MAGI1: variants seen among roughly 807,000 people sequenced by gnomAD.
The protein encoded by MAGI1 is membrane associated guanylate kinase, WW and PDZ domain containing 1, also known as membrane-associated guanylate kinase, WW and PDZ domain-containing protein 1.
Under a neutral mutation model 139.9 loss-of-function variants are expected in MAGI1, and 58 were observed. The ratio of observed to expected loss-of-function variants is 0.41; its 90% confidence interval spans 0.34 to 0.52. The LOEUF (loss-of-function observed/expected upper bound fraction) is 0.52, where lower values mean the gene tolerates loss of function less well. MAGI1 is among the 20% of genes least tolerant of loss of function. MAGI1 has a pLI of 0.12. For synonymous variants in MAGI1, 812 were observed against 737.9 expected (o/e 1.10, Z -1.63); for missense variants, 1,874 against 1,901.6 (o/e 0.99, Z 0.27).
intron 2 of MAGI1, chr3:65,619,874 A>G (rs2083574890): frequency 1.0e-6 from 1 of 985,100 alleles, no homozygotes; most frequent in South Asian, 4.7e-5. Context: ...TAGTAGGAAC[A>G]CCATTTCTGC....
intron 16 of MAGI1, 78 bp downstream of exon 16, chr3:65,381,799 G>A: frequency 7.6e-7 from 1 of 1,310,262 alleles, no homozygotes; most frequent in Non-Finnish European, 1.0e-6. Flanking sequence ...GACGCTCAAG[G>A]AGGCAGACAC....
At position 65,626,286 on chromosome 3, in the gene MAGI1, T is replaced by A. The variant is rs944352473; in HGVS notation, c.314-4198A>T. On this transcript the variant is annotated intron_variant, in intron 1 of 22. Transcript: ENST00000402939. Reference sequence around the variant, plus strand: ...CCTTATGGATCATATGTGGTAACTATCAAGATAAACCAGGGACATATAGAT... The same window carrying A: ...CCTTATGGATCATATGTGGTAACTAACAAGATAAACCAGGGACATATAGAT... Among the ~76,000 whole-genome samples, 5 of 152,192 alleles carry A rather than the reference T, an allele frequency of 3.3e-5. No homozygotes were observed. The East Asian group carries it at 9.6e-4, about 29-fold the overall frequency.
intron 1 of MAGI1, among the ~76,000 whole-genome samples, chr3:65,670,280 C>T (rs746440519): frequency 6.6e-5 from 10 of 151,876 alleles, no homozygotes; most frequent in South Asian, 2.1e-4. Flanking sequence ...TTTTTGAAGA[C>T]TCCTCATATA....
At chr3:65,532,471 G>A (rs1328619947) in intron 2 of MAGI1, among the ~76,000 whole-genome samples, 1 of 152,210 alleles carries the variant, frequency 6.6e-6, no homozygotes, top group Non-Finnish European at 1.5e-5. Flanking sequence ...CCGGCAGCTA[G>A]ACATAACCAA....
chr3:65,964,190 G>T (rs979274183), intron 1 of MAGI1, among the ~76,000 whole-genome samples: 1 of 152,130 alleles, frequency 6.6e-6, no homozygotes. Flanking sequence ...CATTCACAGT[G>T]TACCTCTGCC....
At chr3:65,789,094 T>C (rs2039583706) in intron 1 of MAGI1, among the ~76,000 whole-genome samples, 2 of 152,100 alleles carry the variant, frequency 1.3e-5, no homozygotes, top group South Asian at 4.1e-4. Flanking sequence ...GGCGGGAGGA[T>C]TGCTGGGGCC....
At chr3:65,557,236 G>C (rs1252817012) in intron 2 of MAGI1, among the ~76,000 whole-genome samples, 1 of 152,210 alleles carries the variant, frequency 6.6e-6, no homozygotes, top group Non-Finnish European at 1.5e-5. Flanking sequence ...ATAAGACACT[G>C]TCCCTTCCAC....
intron 1 of MAGI1, among the ~76,000 whole-genome samples, chr3:65,630,011 A>G (rs1381200539): frequency 6.6e-6 from 1 of 152,220 alleles, no homozygotes; most frequent in East Asian, 1.9e-4. Flanking sequence ...ACAAACGTAC[A>G]ACAAACAAAG....
chr3:65,570,065 TTTATTATCATTATTA>T (rs1231407991), intron 2 of MAGI1, among the ~76,000 whole-genome samples: 4 of 129,150 alleles, frequency 3.1e-5, no homozygotes, highest in African/African-American at 1.1e-4. Flanking sequence ...TCTTTCTTTC[TTTATTATCATTATTA>T]TTATTATTAT....
At chr3:65,719,280 C>CAT (rs1043155571) in intron 1 of MAGI1, among the ~76,000 whole-genome samples, 7 of 150,558 alleles carry the variant, frequency 4.6e-5, no homozygotes, top group Non-Finnish European at 1.0e-4. Context: ...TATATATACA[C>CAT]ATATATGTGT....
intron 1 of MAGI1, among the ~76,000 whole-genome samples, chr3:65,927,703 T>C (rs888342175): frequency 6.6e-6 from 1 of 152,162 alleles, no homozygotes; most frequent in Non-Finnish European, 1.5e-5. Flanking sequence ...TGGCAGTTCC[T>C]GTGGAAAGGG....
intron 1 of MAGI1, among the ~76,000 whole-genome samples, chr3:65,626,583 CA>C (rs2083983722): frequency 6.6e-6 from 1 of 152,166 alleles, no homozygotes; most frequent in African/African-American, 2.4e-5. Context: ...CTCAGCCTAC[CA>C]AAGTGCTGGG....
chr3:65,549,531 G>T, intron 2 of MAGI1: 1 of 963,960 alleles, frequency 1.0e-6, no homozygotes, highest in Non-Finnish European at 1.2e-6. Context: ...CTCCTTTTAT[G>T]GGGCTCGCAG....
At chr3:65,868,634 G>A (rs772121577) in intron 1 of MAGI1, among the ~76,000 whole-genome samples, 23 of 152,090 alleles carry the variant, frequency 1.5e-4, no homozygotes, top group Non-Finnish European at 2.5e-4. Flanking sequence ...GAAATCTGTC[G>A]GCATTATTCC....
At chr3:65,716,975 C>T (rs977801270) in intron 1 of MAGI1, among the ~76,000 whole-genome samples, 14 of 152,150 alleles carry the variant, frequency 9.2e-5, no homozygotes, top group Non-Finnish European at 1.9e-4. Context: ...CCTCATCCTG[C>T]TCTGCAGGAT....
chr3:65,944,533 A>G (rs1198115790), intron 1 of MAGI1, among the ~76,000 whole-genome samples: 2 of 152,148 alleles, frequency 1.3e-5, no homozygotes, highest in Non-Finnish European at 2.9e-5. Flanking sequence ...AAAAAAAAAT[A>G]AAGTGCTATT....
At chr3:65,637,946 T>C (rs1208554206) in intron 1 of MAGI1, among the ~76,000 whole-genome samples, 1 of 152,210 alleles carries the variant, frequency 6.6e-6, no homozygotes, top group Non-Finnish European at 1.5e-5. Context: ...GAGATCCTCT[T>C]AGCCTAGAAT....
At chr3:65,979,837 A>C (rs139156046) in intron 1 of MAGI1, among the ~76,000 whole-genome samples, 1 of 152,194 alleles carries the variant, frequency 6.6e-6, no homozygotes. Flanking sequence ...AAAAATTCAG[A>C]ATCAGTCTTC....
chr3:65,932,693 G>A (rs755380731), intron 1 of MAGI1, among the ~76,000 whole-genome samples: 5 of 152,182 alleles, frequency 3.3e-5, no homozygotes, highest in East Asian at 1.9e-4. Flanking sequence ...GAGCCAAAGG[G>A]GCTTCCAAAT....
Sources: allele counts gnomAD v4.1 joint callset (sites outside exome capture counted in the v4.1 genomes callset), GRCh38; gene constraint gnomAD v4.1.1; transcripts MANE v1.5; gene names NCBI Gene and HGNC (gene_info 2026-07-23, HGNC 2026-07-21).